The following PIBF1 variants were observed in gnomAD, a reference collection of about 807,000 sequenced individuals.
PIBF1 encodes the protein progesterone-induced-blocking factor 1.
In PIBF1, 90 loss-of-function variants were observed where a neutral mutation model predicts 112.5. The ratio of observed to expected loss-of-function variants is 0.80; its 90% CI spans 0.67 to 0.95. The LOEUF (loss-of-function observed/expected upper bound fraction) is 0.95. Ranked by LOEUF, PIBF1 falls within the 40% of genes least tolerant of loss-of-function variation. The pLI is 0.00. For missense variants in PIBF1, 915 were observed against 852.3 expected (o/e 1.07, Z -0.92); for synonymous variants, 301 against 288.6 (o/e 1.04, Z -0.44).
chr13:72,825,353 A>G (rs1001826144), intron 6 of PIBF1, among the ~76,000 whole-genome samples: 1 of 152,238 alleles, frequency 6.6e-6, no homozygotes, highest in African/African-American at 2.4e-5. Flanking sequence ...ATTTAGGGAT[A>G]AAGGGACCTA....
rs916088378 is a variant in PIBF1, at chr13:72,985,309, C to T, written c.2049+11634C>T. The stretch of plus-strand genomic sequence containing the variant: ...TCGGGAGGCCGAAGCAGGGGGATCA[C>T]GAGGTCAGGAGATCAAGACCATCCT... On this transcript the variant is annotated intron_variant, in intron 16 of 17. Transcript: ENST00000326291. Among the ~76,000 whole-genome samples the T allele has an allele frequency of 4.2e-5, 6 of 142,992 alleles. No individual in the cohort carries two copies. In the East Asian group the frequency reaches 6.3e-4, roughly 15 times the overall value. 93.8% of individuals were successfully genotyped at this position (142,992 alleles called of 152,430 possible).
intron 17 of PIBF1, among the ~76,000 whole-genome samples, chr13:73,010,248 T>C (rs1037141017): frequency 2.2e-5 from 3 of 135,260 alleles, no homozygotes; most frequent in Non-Finnish European, 3.3e-5. Context: ...TTTTTTTTTT[T>C]CTAAATTCTG....
chr13:73,003,984 G>A (rs2043954206), intron 17 of PIBF1, among the ~76,000 whole-genome samples: 1 of 151,908 alleles, frequency 6.6e-6, no homozygotes, highest in African/African-American at 2.4e-5. Flanking sequence ...CAAAGTGCTG[G>A]GATTATAGTC....
rs147214146 is a variant in PIBF1 at position 72,827,747 on chromosome 13, G to A, written c.930G>A (p.Glu310=). The A allele has an allele frequency of 2.7e-4, 429 of 1,584,490 alleles. 1 individual carries two copies. In the African/African-American group the frequency reaches 5.4e-3, roughly 20 times the overall value. Residue 310 remains glutamate, a synonymous_variant, in exon 8 of 18, where the codon GAG becomes GAA. Transcript: ENST00000326291. The part of the protein sequence containing the change: ...SELSKEVVTL[E]QTVTLLQKDK... ...CATGTATGTAGGTAGTCACCTTAGAGCAAACTGTTACTTTACTGCAAAAGG... is the reference window on the plus strand; with the variant it reads ...CATGTATGTAGGTAGTCACCTTAGAACAAACTGTTACTTTACTGCAAAAGG...
chr13:72,806,346 T>A (rs1044554166), intron 5 of PIBF1, among the ~76,000 whole-genome samples: 17 of 152,050 alleles, frequency 1.1e-4, no homozygotes, highest in Non-Finnish European at 2.4e-4. Flanking sequence ...TCAGGGTTTA[T>A]CCATGTTGTA....
Position 72,883,574 on chromosome 13 carries a change from G to A in PIBF1, c.1323-10210G>A, listed in dbSNP as rs140898068. ...TGATCTCTGCCCACTGCAAACCTCC[G>A]CCTCCCAGGTTCAAGTGATTGTCCT... On this transcript the variant is annotated intron_variant, in intron 10 of 17. Coordinates refer to ENST00000326291, the MANE Select transcript of PIBF1 (RefSeq NM_006346.4). Among the ~76,000 whole-genome samples, 18 of 152,156 alleles carry A rather than the reference G, an allele frequency of 1.2e-4. No individual in the cohort carries two copies. In the East Asian group the frequency reaches 1.7e-3, roughly 15 times the overall value.
At chr13:72,862,128 A>G (rs2038721566) in intron 10 of PIBF1, among the ~76,000 whole-genome samples, 1 of 152,202 alleles carries the variant, frequency 6.6e-6, no homozygotes, top group Admixed American at 6.5e-5. Context: ...TTAGAGATTC[A>G]ATAGAAGAAA....
At chr13:72,986,919 C>G (rs2043309005) in intron 16 of PIBF1, among the ~76,000 whole-genome samples, 1 of 151,998 alleles carries the variant, frequency 6.6e-6, no homozygotes, top group South Asian at 2.1e-4. Context: ...TCTCGATCTC[C>G]TGACCTCCTG....
intron 14 of PIBF1, among the ~76,000 whole-genome samples, chr13:72,949,296 C>CTTTTTTTTTTTTTTTTTTT (rs1566481258): frequency 9.0e-6 from 1 of 110,906 alleles, no homozygotes; most frequent in African/African-American, 3.5e-5. Context: ...AGACAAATAG[C>CTTTTTTTTTTTTTTTTTTT]TGTCTTTTTT....
intron 14 of PIBF1, among the ~76,000 whole-genome samples, chr13:72,956,945 A>G (rs991432219): frequency 1.6e-4 from 24 of 152,244 alleles, no homozygotes; most frequent in African/African-American, 5.8e-4. Flanking sequence ...AGGGAGATGC[A>G]AATCAAAACT....
intron 16 of PIBF1, among the ~76,000 whole-genome samples, chr13:72,993,192 G>A (rs181306776): frequency 1.3e-5 from 2 of 152,174 alleles, no homozygotes; most frequent in African/African-American, 4.8e-5. Context: ...GGCATGGTTG[G>A]TGCATGCCTG....
At chr13:72,900,947 G>A (rs190839058) in intron 11 of PIBF1, 3 of 284,494 alleles carry the variant, frequency 1.1e-5, no homozygotes, top group East Asian at 1.3e-4. Context: ...TCTTGAACCC[G>A]GGAGGCGTAC....
intron 11 of PIBF1, 130 bp from the exon 12 acceptor site, chr13:72,908,401 C>A (rs2040774300): frequency 2.3e-6 from 1 of 428,392 alleles, no homozygotes; most frequent in Non-Finnish European, 4.1e-6. Flanking sequence ...CATTAGTCAT[C>A]TTAATTGAGC....
intron 11 of PIBF1, among the ~76,000 whole-genome samples, chr13:72,899,595 C>T (rs1176385394): frequency 1.3e-5 from 2 of 151,808 alleles, no homozygotes; most frequent in Non-Finnish European, 2.9e-5. Flanking sequence ...TCAGCAAAAT[C>T]GGCATACCTT....
intron 16 of PIBF1, among the ~76,000 whole-genome samples, chr13:72,980,358 C>CT (rs1463951356): frequency 6.6e-6 from 1 of 152,148 alleles, no homozygotes; most frequent in Admixed American, 6.5e-5. Context: ...GAGTGACCAG[C>CT]ATCAGTGACG....
intron 10 of PIBF1, among the ~76,000 whole-genome samples, chr13:72,864,870 G>A (rs549870842): frequency 6.6e-6 from 1 of 152,224 alleles, no homozygotes; most frequent in African/African-American, 2.4e-5. Flanking sequence ...TCCACAATGA[G>A]TCATTTTCAA....
chr13:72,883,416 A>C (rs1174611566), intron 10 of PIBF1, among the ~76,000 whole-genome samples: 1 of 152,216 alleles, frequency 6.6e-6, no homozygotes, highest in Non-Finnish European at 1.5e-5. Context: ...ATTTGGAAGC[A>C]CAACATGGTG....
At chr13:72,921,172 G>A (rs923930748) in intron 13 of PIBF1, among the ~76,000 whole-genome samples, 49 of 151,786 alleles carry the variant, frequency 3.2e-4, no homozygotes, top group Non-Finnish European at 6.3e-4. Context: ...GCATGATCTC[G>A]GCTCACTATA....
chr13:72,931,965 A>G (rs2041721694), intron 14 of PIBF1, among the ~76,000 whole-genome samples: 1 of 121,656 alleles, frequency 8.2e-6, no homozygotes, highest in Non-Finnish European at 1.6e-5. Flanking sequence ...TTTCTGAGAC[A>G]GGGTCTGGCT....
Sources: gnomAD v4.1 joint callset for allele counts (sites outside exome capture counted in the v4.1 genomes callset) on GRCh38, gnomAD v4.1.1 for gene constraint, MANE v1.5 for transcripts, NCBI Gene and HGNC (gene_info 2026-07-23, HGNC 2026-07-21) for gene names.